Variants in VRK3 observed in about 807,000 individuals in gnomAD.
The protein encoded by VRK3 is serine/threonine-protein kinase VRK3.
In VRK3, 50 loss-of-function variants were observed where a neutral mutation model predicts 60.4. That is an observed-to-expected ratio of 0.83 (90% CI 0.66 to 1.05). The LOEUF (loss-of-function observed/expected upper bound fraction) is 1.05. Ranked by LOEUF, VRK3 falls within the 50% of genes least tolerant of loss-of-function variation. VRK3 has a pLI of 0.00. For missense variants in VRK3, 549 were observed against 585.3 expected, an observed-to-expected ratio of 0.94 and a Z score of 0.64; for synonymous variants, 246 against 227.8, an observed-to-expected ratio of 1.08 and a Z score of -0.72.
In VRK3 at chr19:50,009,320, C is replaced by T. The variant is rs770964138; in HGVS notation, c.205G>A (p.Val69Ile). Residue 69 changes from valine to isoleucine, a missense_variant, in exon 4 of 15, where the codon GTC becomes ATC. Coordinates refer to ENST00000316763, the MANE Select transcript of VRK3 (RefSeq NM_016440.4). ...AAGAGGGATAATCGGGGAGAGGTGA[C>T]GGTGCTGGACCATTTCACTTTCTTA... is the stretch of plus-strand genomic sequence containing the variant. ...SPKKVKWSST[V>I]TSPRLSLFSD... 1.1e-5 allele frequency: 18 copies of T among 1,613,950 alleles called. No homozygotes were observed. The highest frequency in any genetic ancestry group is 5.0e-5 in the Admixed American group (3 of 59,988).
intron 12 of VRK3, among the ~76,000 whole-genome samples, chr19:49,983,876 T>G (rs1177034593): frequency 1.3e-5 from 2 of 151,946 alleles, no homozygotes; most frequent in Non-Finnish European, 2.9e-5. Flanking sequence ...GGTGAGGAGG[T>G]GCATCTGGGG....
At chr19:49,993,685 C>T (rs1483308002) in intron 9 of VRK3, among the ~76,000 whole-genome samples, 2 of 152,198 alleles carry the variant, frequency 1.3e-5, no homozygotes, top group Non-Finnish European at 2.9e-5. Flanking sequence ...CTGGCATGAG[C>T]TGCTGCGCCC....
chr19:49,980,237 A>AT (rs1347032930), intron 13 of VRK3, among the ~76,000 whole-genome samples: 2 of 152,066 alleles, frequency 1.3e-5, no homozygotes, highest in Non-Finnish European at 2.9e-5. Flanking sequence ...CCCCAACAAG[A>AT]CAGTGCAAAT....
intron 3 of VRK3, 99 bp from the exon 4 acceptor site, chr19:50,009,484 C>T (rs2076959326): frequency 1.4e-6 from 2 of 1,393,924 alleles, no homozygotes. Context: ...CTATGCTGTT[C>T]TCTTTGGCCC....
At chr19:49,984,235 G>C (rs1283247054) in intron 12 of VRK3, among the ~76,000 whole-genome samples, 1 of 152,192 alleles carries the variant, frequency 6.6e-6, no homozygotes, top group Non-Finnish European at 1.5e-5. Context: ...ACCATGGGCT[G>C]ATTCTAACCT....
At chr19:50,020,559 G>C (rs1241441725) in intron 2 of VRK3, 26 bp downstream of exon 2, 1 of 152,270 alleles carries the variant, frequency 6.6e-6, no homozygotes. Context: ...AAAAGGTCTT[G>C]AGAGGCTGTG....
At chr19:50,008,005 G>A (rs964769512) in intron 4 of VRK3, among the ~76,000 whole-genome samples, 179 bp from the exon 5 acceptor site, 3 of 152,136 alleles carry the variant, frequency 2.0e-5, no homozygotes, top group Non-Finnish European at 4.4e-5. Context: ...GATAGGAGTC[G>A]GACCTGCATC....
In VRK3 at chr19:49,997,552, A is replaced by T; in HGVS notation, c.631T>A (p.Leu211Met). 1 of 1,613,924 alleles carries T rather than the reference A, an allele frequency of 6.2e-7. No homozygotes were observed. The highest frequency in any genetic ancestry group is 8.5e-7 in the Non-Finnish European group (1 of 1,179,882). Residue 211 changes from leucine to methionine, a missense_variant, in exon 7 of 15, where the codon TTG becomes ATG. Physicochemically the swap from Leu to Met is conservative, Grantham distance 15. Transcript: ENST00000316763. ...SLKLDAKDGR[L>M]FNEQNFFQRA... Reference sequence around the variant, plus strand: ...TGGAAGAAGTTCTGCTCATTGAACAAGCGCCCATCCTTGGCATCCTGGTGG... The same window carrying T: ...TGGAAGAAGTTCTGCTCATTGAACATGCGCCCATCCTTGGCATCCTGGTGG...
At chr19:49,998,699 G>A (rs1277362256) in intron 6 of VRK3, 1 of 152,064 alleles carries the variant, frequency 6.6e-6, no homozygotes, top group Non-Finnish European at 1.5e-5. Context: ...ACCTGGGCAA[G>A]TGACTGAGTC....
chr19:50,003,764 T>C (rs1439936678), intron 5 of VRK3, among the ~76,000 whole-genome samples: 1 of 152,248 alleles, frequency 6.6e-6, no homozygotes, highest in Non-Finnish European at 1.5e-5. Flanking sequence ...AAAAGGGCGA[T>C]TTGCTCTGGG....
At position 49,997,503 on chromosome 19, in the gene VRK3, C is replaced by T; in HGVS notation, c.679+1G>A. The T allele has an allele frequency of 6.2e-7, 1 of 1,613,860 alleles. No homozygotes were observed. The highest frequency in any genetic ancestry group is 1.1e-5 in the South Asian group (1 of 91,022). On this transcript the variant is annotated splice_donor_variant, in intron 7 of 14. Transcript: ENST00000316763. LOFTEE classifies it high-confidence loss of function. ...TCCTTGCCCAGTTCCCTGTCAGGTA[C>T]CTTGCAGAGGCTTGGCGGCCCGCTG...
intron 10 of VRK3, among the ~76,000 whole-genome samples, chr19:49,991,242 T>A (rs913648000): frequency 6.6e-6 from 1 of 152,170 alleles, no homozygotes; most frequent in Non-Finnish European, 1.5e-5. Context: ...TTCTCCTTAA[T>A]GTGGGTGGGT....
Position 49,998,974 on chromosome 19 carries a change from A to AAAAAAAAG in VRK3, c.613-1405_613-1404insCTTTTTTT, listed in dbSNP as rs2076752587. ...AAAAAAAAAAAAAAAAAAAAAAAAA[A>AAAAAAAAG]AAGCTGGACGTGGTGGTGCATGCCT... On this transcript the variant is annotated intron_variant, in intron 6 of 14. Coordinates refer to ENST00000316763, the MANE Select transcript of VRK3 (RefSeq NM_016440.4). 4 of 149,986 alleles carry AAAAAAAAG rather than the reference A, an allele frequency of 2.7e-5. 1 individual carries two copies. Among genetic ancestry groups the AAAAAAAAG allele is most frequent in the Non-Finnish European group, 5.9e-5 (4 of 67,598 alleles). The allele number at this position is 149,986 out of a possible 1,614,324, so 9.3% of individuals were successfully genotyped here.
chr19:49,990,270 A>G (rs1200252342), intron 10 of VRK3, among the ~76,000 whole-genome samples: 1 of 152,208 alleles, frequency 6.6e-6, no homozygotes, highest in African/African-American at 2.4e-5. Context: ...CATTTGTAAA[A>G]TGATGATAAT....
rs1568804729 is a variant in VRK3, at chr19:50,007,765, C to A, written c.351G>T (p.Gln117His). ...TCTTCTGAGGGCTACCCCTGGTCACCTGAGGGCTCTTCCTGGTCTTCTGAG... is the reference window on the plus strand; with the variant it reads ...TCTTCTGAGGGCTACCCCTGGTCACATGAGGGCTCTTCCTGGTCTTCTGAG... ...SSPQKTRKSPQVTRGSPQKTS... is the reference protein window; with the variant it reads ...SSPQKTRKSPHVTRGSPQKTS... Residue 117 changes from glutamine (Q) to histidine (H), a missense_variant, in exon 5 of 15, where the codon CAG (glutamine) becomes CAT (histidine). Physicochemically the swap from Gln to His is conservative, Grantham distance 24. Coordinates refer to ENST00000316763, the MANE Select transcript of VRK3 (RefSeq NM_016440.4). 6.2e-7 allele frequency: 1 copy of A among 1,614,070 alleles called. No individual in the cohort carries two copies. The highest frequency in any genetic ancestry group is 8.5e-7 in the Non-Finnish European group (1 of 1,180,024).
intron 6 of VRK3, chr19:49,999,405 G>A (rs2076762139): frequency 2.6e-5 from 4 of 152,298 alleles, no homozygotes. Context: ...ACTCCCCCAA[G>A]GGGGCAGCTC....
chr19:50,006,939 C>T (rs1035986553), intron 5 of VRK3, among the ~76,000 whole-genome samples: 1 of 152,184 alleles, frequency 6.6e-6, no homozygotes, highest in Non-Finnish European at 1.5e-5. Flanking sequence ...GTGCTCCCTC[C>T]TTTGGGGTGT....
intron 12 of VRK3, chr19:49,982,006 T>C (rs2076432299): frequency 1.6e-6 from 1 of 641,826 alleles, no homozygotes; most frequent in Non-Finnish European, 2.8e-6. Flanking sequence ...TCAAGTAGGC[T>C]GTCTGTGGCT....
intron 12 of VRK3, 58 bp downstream of exon 12, chr19:49,988,314 T>TCCACCTGCAGGGGTTCTGCTGA: frequency 6.3e-7 from 1 of 1,576,966 alleles, no homozygotes; most frequent in Non-Finnish European, 8.6e-7. Context: ...TGGGCTTCTG[T>TCCACCTGCAGGGGTTCTGCTGA]CCACCTGCAG....
Sources: allele counts gnomAD v4.1 joint callset (sites outside exome capture counted in the v4.1 genomes callset), GRCh38; gene constraint gnomAD v4.1.1; transcripts MANE v1.5; gene names NCBI Gene and HGNC (gene_info 2026-07-23, HGNC 2026-07-21).